SAMD11: variants seen among roughly 807,000 people sequenced by gnomAD.
SAMD11 encodes sterile alpha motif domain-containing protein 11.
A neutral mutation model predicts 64.4 loss-of-function variants in SAMD11; 77 were observed. The observed-to-expected ratio is 1.20, with a 90% CI of 0.99 to 1.44. SAMD11 has a LOEUF of 1.44. Ranked by LOEUF, SAMD11 falls within the 40% of genes most tolerant of loss-of-function variation. SAMD11 has a pLI of 0.00. For synonymous variants in SAMD11, 658 were observed against 421.9 expected (o/e 1.56, Z -6.86); for missense variants, 1,402 against 943.3 (o/e 1.49, Z -6.37).
chr1:929,011 G>A (rs912900966), intron 2 of SAMD11, among the ~76,000 whole-genome samples: 9 of 152,286 alleles, frequency 5.9e-5, no homozygotes, highest in East Asian at 3.9e-4. Flanking sequence ...TGAGTTAGAC[G>A]CTCTCAAGGG....
chr1:942,181 T>C lies in SAMD11; in HGVS notation c.1404T>C (p.Pro468=). 7.0e-7 allele frequency: 1 copy of C among 1,431,994 alleles called. No individual in the cohort carries two copies. Among genetic ancestry groups the C allele is most frequent in the Non-Finnish European group, 9.2e-7 (1 of 1,090,552 alleles). The allele number at this position is 1,431,994 out of a possible 1,614,324, so 88.7% of individuals were successfully genotyped here. The part of the protein sequence containing the change: ...PPPLLSPQNA[P]HVALGPHLRP... ...CCTTGCTGTCGCCGCAGAATGCCCC[T>C]CACGTCGCCCTGGGCCCCCATCTCA... Residue 468 remains proline (P), a synonymous_variant, in exon 9 of 14, where the codon CCT becomes CCC. Coordinates refer to ENST00000616016, the MANE Select transcript of SAMD11 (RefSeq NM_001385641.1).
At chr1:926,731 C>T (rs1304853550) in intron 2 of SAMD11, among the ~76,000 whole-genome samples, 3 of 152,132 alleles carry the variant, frequency 2.0e-5, no homozygotes, top group Non-Finnish European at 4.4e-5. Flanking sequence ...CTCCAGCCCC[C>T]TAGTTGGGCA....
intron 7 of SAMD11, among the ~76,000 whole-genome samples, chr1:940,789 CA>C (rs1207418813): frequency 6.6e-6 from 1 of 152,232 alleles, no homozygotes; most frequent in Non-Finnish European, 1.5e-5. Context: ...CCTGGGCGGT[CA>C]GCCCCTGGCT....
chr1:928,130 AT>A (rs1268634224), intron 2 of SAMD11, among the ~76,000 whole-genome samples: 8 of 151,968 alleles, frequency 5.3e-5, no homozygotes, highest in South Asian at 2.1e-4. Flanking sequence ...GTGGTGGCGC[AT>A]GCCTGTAATC....
chr1:939,153 G>T (rs761625800), intron 6 of SAMD11, 24 bp downstream of exon 6: 1 of 1,565,412 alleles, frequency 6.4e-7, no homozygotes, highest in Non-Finnish European at 8.7e-7. Flanking sequence ...TGGGACGAGA[G>T]ACAGGTCACC....
At chr1:932,801 C>T (rs762827753) in intron 4 of SAMD11, among the ~76,000 whole-genome samples, 12 of 152,240 alleles carry the variant, frequency 7.9e-5, no homozygotes, top group Admixed American at 2.0e-4. Flanking sequence ...TTGGAGCCAG[C>T]GGAGCCCCAG....
intron 7 of SAMD11, chr1:940,417 T>C (rs1286410613): frequency 6.6e-6 from 1 of 151,902 alleles, no homozygotes; most frequent in East Asian, 2.0e-4. Flanking sequence ...GGCTGGGCTC[T>C]GCGGGCTGGC....
intron 12 of SAMD11, 146 bp downstream of exon 12, chr1:943,523 CACCTTTTTTT>C: frequency 1.1e-6 from 1 of 872,460 alleles, no homozygotes. Flanking sequence ...CTGTGCACCC[CACCTTTTTTT>C]TTTTTTTTTT....
intron 4 of SAMD11, among the ~76,000 whole-genome samples, chr1:933,196 G>A (rs183348277): frequency 5.4e-4 from 82 of 152,360 alleles, no homozygotes; most frequent in Middle Eastern, 3.4e-3. Flanking sequence ...TGCCCGGGCC[G>A]GGTTCCTGCT....
At chr1:931,184 T>C (rs1372632518) in intron 4 of SAMD11, 95 bp downstream of exon 4, 2 of 1,079,738 alleles carry the variant, frequency 1.9e-6, no homozygotes, top group African/African-American at 3.2e-5. Flanking sequence ...GTCCGCTGTC[T>C]CAGCGTGAGC....
chr1:943,142 T>A (rs1569919157), intron 11 of SAMD11, 84 bp downstream of exon 11: 1 of 1,577,520 alleles, frequency 6.3e-7, no homozygotes, highest in Non-Finnish European at 8.6e-7. Flanking sequence ...GGAGGAAAAA[T>A]TCCCCTTAGG....
At chr1:939,229 T>C in intron 6 of SAMD11, 46 bp from the exon 7 acceptor site, 1 of 1,557,950 alleles carries the variant, frequency 6.4e-7, no homozygotes, top group South Asian at 1.2e-5. Context: ...GGCGTGGTCC[T>C]CGGCAGTGCC....
intron 1 of SAMD11, among the ~76,000 whole-genome samples, chr1:925,522 G>C (rs947152953): frequency 2.0e-5 from 3 of 152,162 alleles, no homozygotes; most frequent in African/African-American, 7.2e-5. Flanking sequence ...CGGGACCTGA[G>C]CGGTGCGTGG....
At chr1:931,576 G>C (rs1321132884) in intron 4 of SAMD11, among the ~76,000 whole-genome samples, 1 of 152,218 alleles carries the variant, frequency 6.6e-6, no homozygotes, top group Non-Finnish European at 1.5e-5. Flanking sequence ...GGGACGAGGA[G>C]TGAACCTGGC....
intron 2 of SAMD11, among the ~76,000 whole-genome samples, chr1:927,103 A>T (rs1252326244): frequency 6.6e-6 from 1 of 152,152 alleles, no homozygotes; most frequent in Non-Finnish European, 1.5e-5. Context: ...CACCTCACCC[A>T]TGTGCCCACC....
chr1:930,589 T>A (rs1569871481), intron 3 of SAMD11, among the ~76,000 whole-genome samples: 1 of 152,086 alleles, frequency 6.6e-6, no homozygotes, highest in South Asian at 2.1e-4. Context: ...GACCCAGAGG[T>A]CTGCACCTTC....
At chr1:932,304 CCCT>C (rs1641204477) in intron 4 of SAMD11, among the ~76,000 whole-genome samples, 1 of 152,206 alleles carries the variant, frequency 6.6e-6, no homozygotes, top group Non-Finnish European at 1.5e-5. Context: ...GCCTGCAGCC[CCCT>C]CCTCCGTCTG....
intron 9 of SAMD11, 37 bp from the exon 10 acceptor site, chr1:942,373 G>A: frequency 1.6e-6 from 2 of 1,270,566 alleles, no homozygotes; most frequent in South Asian, 1.5e-5. Context: ...GGACCGCCTC[G>A]GACCCCCCGA....
At chr1:927,293 C>T (rs1640940915) in intron 2 of SAMD11, among the ~76,000 whole-genome samples, 1 of 152,192 alleles carries the variant, frequency 6.6e-6, no homozygotes, top group Non-Finnish European at 1.5e-5. Context: ...CAGCCCGCTG[C>T]CTAGCCTTGG....
Sources: allele counts gnomAD v4.1 joint callset (sites outside exome capture counted in the v4.1 genomes callset), GRCh38; gene constraint gnomAD v4.1.1; transcripts MANE v1.5; gene names NCBI Gene and HGNC (gene_info 2026-07-23, HGNC 2026-07-21).